The following INPP4A variants were observed in gnomAD, a reference collection of about 807,000 sequenced individuals.
The protein encoded by INPP4A is inositol polyphosphate-4-phosphatase type I A.
Under a neutral mutation model 119.8 loss-of-function variants are expected in INPP4A, and 33 were observed. That is an observed-to-expected ratio of 0.28 (90% CI 0.21 to 0.37). INPP4A has a LOEUF of 0.37. Ranked by LOEUF, INPP4A falls within the 10% of genes least tolerant of loss-of-function variation. The pLI is 1.00. For synonymous variants in INPP4A, 496 were observed against 500.7 expected, an observed-to-expected ratio of 0.99 and a Z score of 0.12; for missense variants, 956 against 1,289.9, an observed-to-expected ratio of 0.74 and a Z score of 3.97.
Position 98,546,504 on chromosome 2 carries a change from CA to C in INPP4A, c.1055-81del. ...GCAGTGGGCTGGAGGGTCAGGACCC[CA>C]GACTTGTGTGCATATCCCTATAGCT... is the stretch of plus-strand genomic sequence containing the variant. On this transcript the variant is annotated intron_variant, in intron 12 of 24. Transcript: ENST00000409851. This position sits in a 1 kb window ranked among gnomAD's most constrained non-coding sequence, Gnocchi z 4.2. 1.1e-6 allele frequency: 1 copy of C among 945,788 alleles called. No individual in the cohort carries two copies. The highest frequency in any genetic ancestry group is 1.6e-5 in the African/African-American group (1 of 61,348). The allele number at this position is 945,788 out of a possible 1,614,324, so 58.6% of individuals were successfully genotyped here. A position where few individuals can be genotyped will look rare whatever the true frequency, so the allele number is the denominator to read the frequency against.
At position 98,568,709 on chromosome 2, in the gene INPP4A, C is replaced by CT. The variant is rs1489574023; in HGVS notation, c.2518+46dup. The CT allele has an allele frequency of 3.6e-6, 4 of 1,126,582 alleles. No individual in the cohort carries two copies. The East Asian group carries it at 1.0e-4, about 28-fold the overall frequency. 69.8% of individuals were successfully genotyped at this position (1,126,582 alleles called of 1,614,324 possible). A position where few individuals can be genotyped will look rare whatever the true frequency, so the allele number is the denominator to read the frequency against. ...GTCATGGTAGGTTTCACTTACTCGT[C>CT]TTTTTATCAGTTTAGATGTCTGAGC... On this transcript the variant is annotated intron_variant, in intron 22 of 24. Transcript: ENST00000409851.
intron 3 of INPP4A, 103 bp from the exon 4 acceptor site, chr2:98,520,584 T>C: frequency 1.4e-6 from 1 of 734,232 alleles, no homozygotes; most frequent in Non-Finnish European, 2.3e-6. Context: ...CATGGCAGTT[T>C]TTGTTGTTGT....
At chr2:98,480,228 T>C (rs1415041395) in intron 1 of INPP4A, among the ~76,000 whole-genome samples, 1 of 152,242 alleles carries the variant, frequency 6.6e-6, no homozygotes, top group East Asian at 1.9e-4. Context: ...CTCCTGGTTC[T>C]GACTGTCTTG....
intron 7 of INPP4A, 91 bp from the exon 8 acceptor site, chr2:98,537,772 C>G: frequency 1.0e-6 from 1 of 954,312 alleles, no homozygotes; most frequent in Non-Finnish European, 1.7e-6. Context: ...CCCCCAGGAC[C>G]CTGATGACCC....
Position 98,577,145 on chromosome 2 carries a change from T to G in INPP4A, c.2786+2T>G, listed in dbSNP as rs1698555329. The G allele has an allele frequency of 6.2e-7, 1 of 1,602,738 alleles. No individual in the cohort carries two copies. The highest frequency in any genetic ancestry group is 8.5e-7 in the Non-Finnish European group (1 of 1,173,628). On this transcript the variant is annotated splice_donor_variant, in intron 24 of 24. Transcript: ENST00000409851. LOFTEE classifies it high-confidence loss of function. ...CCAGGCCCTGGAGTGCATGCGCAGGTGAGTGCCGCAGCCAGGCCGCGCGCC... is the reference window on the plus strand; with the variant it reads ...CCAGGCCCTGGAGTGCATGCGCAGGGGAGTGCCGCAGCCAGGCCGCGCGCC...
At chr2:98,465,387 G>A (rs1389950929) in intron 1 of INPP4A, among the ~76,000 whole-genome samples, 1 of 152,208 alleles carries the variant, frequency 6.6e-6, no homozygotes, top group East Asian at 1.9e-4. Context: ...CTTCATATAA[G>A]GACATTTGTG....
rs1378660414 is a variant in INPP4A, at chr2:98,486,064, C to T, written c.-165-32900C>T. 3.3e-5 allele frequency among the ~76,000 whole-genome samples: 5 copies of T among 152,188 alleles called. No homozygotes were observed. The East Asian group carries it at 7.7e-4, about 23-fold the overall frequency. ...TTTGCCAGAGTCCCACACAGTAGGG[C>T]ACAGGCTACTGCTTCCTTGGGTCTC... is the stretch of plus-strand genomic sequence containing the variant. On this transcript the variant is annotated intron_variant, in intron 1 of 24. Coordinates refer to ENST00000409851, the MANE Select transcript of INPP4A (RefSeq NM_001134225.2).
intron 1 of INPP4A, among the ~76,000 whole-genome samples, chr2:98,465,892 A>G (rs1369644806): frequency 1.3e-5 from 2 of 151,780 alleles, no homozygotes; most frequent in Non-Finnish European, 2.9e-5. Flanking sequence ...GTCTCACTCT[A>G]GCGCCCTCCC....
At chr2:98,493,188 C>T (rs980233884) in intron 1 of INPP4A, among the ~76,000 whole-genome samples, 3 of 152,038 alleles carry the variant, frequency 2.0e-5, no homozygotes, top group East Asian at 1.9e-4. Flanking sequence ...TGCTGGGTTC[C>T]CTGAGCCCTG....
rs1690238280 is a variant in INPP4A at position 98,536,182 on chromosome 2, G to C, written c.441G>C (p.Arg147Ser). The change falls in exon 7 of 25, where the codon AGG becomes AGC. Residue 147 changes from arginine to serine, a missense_variant. By Grantham distance (110) the Arg-to-Ser change is moderately radical. Transcript: ENST00000409851. ...TTGTCAAAGATCTGCTCCAGGACAGGCATCATAGGTTGCATTTAACACTAA... is the reference window on the plus strand; with the variant it reads ...TTGTCAAAGATCTGCTCCAGGACAGCCATCATAGGTTGCATTTAACACTAA... ...TFIVKDLLQD[R>S]HHRLHLTLRS... is the part of the protein sequence containing the mutation. 2 of 1,610,060 alleles carry C rather than the reference G, an allele frequency of 1.2e-6. No individual in the cohort carries two copies. The highest frequency in any genetic ancestry group is 1.7e-5 in the Admixed American group (1 of 59,946).
chr2:98,579,109 A>G lies in INPP4A; in HGVS notation c.2786+1966A>G, dbSNP rs141126688. Among the ~76,000 whole-genome samples, 104 of 151,480 alleles carry G rather than the reference A, an allele frequency of 6.9e-4. 2 individuals carry two copies. In the East Asian group the frequency reaches 0.01, roughly 15 times the overall value. ...GCTCTGTCACCCAGGCTGGAGTGCAATGGTGCAGTCTTGGCTCACTGCATC... is the reference window on the plus strand; with the variant it reads ...GCTCTGTCACCCAGGCTGGAGTGCAGTGGTGCAGTCTTGGCTCACTGCATC... On this transcript the variant is annotated intron_variant, in intron 24 of 24. Transcript: ENST00000409851.
At chr2:98,551,276 GA>G (rs1300175540) in intron 13 of INPP4A, among the ~76,000 whole-genome samples, 2 of 152,186 alleles carry the variant, frequency 1.3e-5, no homozygotes, top group African/African-American at 2.4e-5. Flanking sequence ...ATCCTATTTT[GA>G]GATTGTCTTT....
chr2:98,551,873 A>G (rs1203348950), intron 13 of INPP4A, among the ~76,000 whole-genome samples: 1 of 152,232 alleles, frequency 6.6e-6, no homozygotes, highest in Non-Finnish European at 1.5e-5. Context: ...AAATAAATTT[A>G]TAATATTGGA....
chr2:98,504,001 G>A lies in INPP4A; in HGVS notation c.-165-14963G>A, dbSNP rs533555444. On this transcript the variant is annotated intron_variant, in intron 1 of 24. Coordinates refer to ENST00000409851, the MANE Select transcript of INPP4A (RefSeq NM_001134225.2). The stretch of plus-strand genomic sequence containing the variant: ...GCTACAGAGCACTGCCCAAGGAAGG[G>A]CATGGGCCTCAGAGGCACAGCTTAT... Among the ~76,000 whole-genome samples the A allele has an allele frequency of 2.0e-5, 3 of 152,354 alleles. No homozygotes were observed. The South Asian group carries it at 6.2e-4, about 32-fold the overall frequency.
chr2:98,550,396 C>T (rs894746308), intron 13 of INPP4A, among the ~76,000 whole-genome samples: 1 of 152,214 alleles, frequency 6.6e-6, no homozygotes, highest in Non-Finnish European at 1.5e-5. Flanking sequence ...AGAGGTGATC[C>T]TGCTCTTCTA....
chr2:98,454,802 C>T (rs1188772855), intron 1 of INPP4A, among the ~76,000 whole-genome samples: 1 of 151,980 alleles, frequency 6.6e-6, no homozygotes, highest in East Asian at 1.9e-4. Flanking sequence ...ACTCTGTAAA[C>T]TCTTAGTCAG....
At chr2:98,464,896 C>T (rs968723245) in intron 1 of INPP4A, among the ~76,000 whole-genome samples, 3 of 152,188 alleles carry the variant, frequency 2.0e-5, no homozygotes, top group Non-Finnish European at 2.9e-5. Context: ...ACGATACACA[C>T]GAAGGAGCTT....
intron 1 of INPP4A, among the ~76,000 whole-genome samples, chr2:98,505,603 A>C (rs1210490392): frequency 2.0e-5 from 3 of 152,222 alleles, no homozygotes; most frequent in Non-Finnish European, 1.5e-5. Flanking sequence ...ATTAGGATTG[A>C]GTAAAACCTG....
At chr2:98,581,642 G>T in intron 24 of INPP4A, 1 of 1,586,796 alleles carries the variant, frequency 6.3e-7, no homozygotes. Flanking sequence ...GAGACTTAAG[G>T]CTAGACCCCA....
Sources: allele counts gnomAD v4.1 joint callset (sites outside exome capture counted in the v4.1 genomes callset), GRCh38; gene constraint gnomAD v4.1.1; non-coding constraint Gnocchi (gnomAD v3.1); transcripts MANE v1.5; gene names NCBI Gene and HGNC (gene_info 2026-07-23, HGNC 2026-07-21).